THAP5: variants seen among roughly 807,000 people sequenced by gnomAD.
The protein encoded by THAP5 is THAP domain-containing protein 5.
In THAP5, 26 loss-of-function variants were observed where a neutral mutation model predicts 34.0. That is an observed-to-expected ratio of 0.77 (90% CI 0.56 to 1.06). THAP5 has a LOEUF of 1.06. Ranked by LOEUF, THAP5 falls within the 50% of genes least tolerant of loss-of-function variation. The probability of loss-of-function intolerance (pLI) is 0.00; values close to 1 mark genes in which losing one functional copy is unlikely to be tolerated. For synonymous variants in THAP5, 125 were observed against 153.0 expected, an observed-to-expected ratio of 0.82 and a Z score of 1.35; for missense variants, 394 against 452.8, an observed-to-expected ratio of 0.87 and a Z score of 1.18.
the THAP5 span, among the ~76,000 whole-genome samples, chr7:108,548,661 G>A: frequency 3.7e-3 from 570 of 152,302 alleles, 2 homozygotes; most frequent in Admixed American, 5.9e-3. Flanking sequence ...CAAATGAGGA[G>A]CAAAGTCATG....
intron 1 of THAP5, among the ~76,000 whole-genome samples, chr7:108,556,763 G>A (rs1444337788): frequency 6.6e-6 from 1 of 152,190 alleles, no homozygotes; most frequent in African/African-American, 2.4e-5. Flanking sequence ...GAGGACAGTG[G>A]CCCTCTTCCC....
intron 1 of THAP5, chr7:108,569,131 C>T (rs1048170204): frequency 9.2e-7 from 1 of 1,088,190 alleles, no homozygotes; most frequent in African/African-American, 1.6e-5. Context: ...TTTGCGTGCA[C>T]CTTTCCACTT....
rs895690740 is a variant in THAP5 at position 108,565,822 on chromosome 7, T to G, written c.273+8A>C. 3 of 1,536,218 alleles carry G rather than the reference T, an allele frequency of 2.0e-6. No homozygotes were observed. Among genetic ancestry groups the G allele is most frequent in the African/African-American group, 2.8e-5 (2 of 72,568 alleles). On this transcript the variant is annotated splice_region_variant and intron_variant, in intron 2 of 2. Transcript: ENST00000415914. ...GCTCAGCATTACCCCTCTCCCATACTGCAATACCTGATTGTCTTCAGGCAA... is the reference window on the plus strand; with the variant it reads ...GCTCAGCATTACCCCTCTCCCATACGGCAATACCTGATTGTCTTCAGGCAA...
At chr7:108,545,339 G>A in the THAP5 span, among the ~76,000 whole-genome samples, 15 of 152,132 alleles carry the variant, frequency 9.9e-5, no homozygotes, top group South Asian at 4.1e-4. Flanking sequence ...ATTGTAAACC[G>A]CAAATTTTTG....
At chr7:108,542,608 A>G in the THAP5 span, among the ~76,000 whole-genome samples, 3 of 151,918 alleles carry the variant, frequency 2.0e-5, no homozygotes, top group African/African-American at 7.3e-5. Flanking sequence ...AATTACAGGC[A>G]TGTGCCACCA....
chr7:108,551,122 C>G (rs1864350995), downstream of THAP5, among the ~76,000 whole-genome samples: 1 of 152,152 alleles, frequency 6.6e-6, no homozygotes, highest in Non-Finnish European at 1.5e-5. Context: ...AGAACATGAA[C>G]TATAGTTGGG....
the THAP5 span, among the ~76,000 whole-genome samples, chr7:108,542,593 G>A: frequency 1.3e-5 from 2 of 152,122 alleles, no homozygotes; most frequent in Non-Finnish European, 2.9e-5. Context: ...CTCCTGAGTA[G>A]CTGGAATTAC....
At position 108,555,702 on chromosome 7, in the gene THAP5, CTTTTTTT is replaced by C. The variant is rs11344007; in HGVS notation, n.109-850_109-844del. ...GTGAAGGGGAAGCAAGCACCTTTTT[CTTTTTTT>C]TTTTTTTTTTTGAGACAGAATCTCA... On this transcript the variant is annotated intron_variant and non_coding_transcript_variant, in intron 1 of 1. Coordinates refer to the THAP5 transcript ENST00000468884. Among the ~76,000 whole-genome samples, 12 of 128,836 alleles carry C rather than the reference CTTTTTTT, an allele frequency of 9.3e-5. No individual in the cohort carries two copies. The South Asian group carries it at 2.2e-3, about 24-fold the overall frequency. 84.5% of individuals were successfully genotyped at this position (128,836 alleles called of 152,430 possible). A position where few individuals can be genotyped will look rare whatever the true frequency, so the allele number is the denominator to read the frequency against.
downstream of THAP5, among the ~76,000 whole-genome samples, chr7:108,560,742 G>A (rs972013031): frequency 1.3e-5 from 2 of 152,126 alleles, no homozygotes; most frequent in Non-Finnish European, 2.9e-5. Context: ...CAACTGTACT[G>A]CAACTTTTTT....
At position 108,569,584 on chromosome 7, in the gene THAP5, C is replaced by T; in HGVS notation, c.-15G>A. 1 of 1,550,894 alleles carries T rather than the reference C, an allele frequency of 6.4e-7. No homozygotes were observed. The highest frequency in any genetic ancestry group is 8.7e-7 in the Non-Finnish European group (1 of 1,147,002). ...TAGCGGGGCATGACTCGGGTGAGGC[C>T]CCTGGAGACCGGGGCCGGCGACGGA... On this transcript the variant is annotated 5_prime_UTR_variant, in exon 1 of 3. Transcript: ENST00000415914.
At chr7:108,569,241 C>T (rs1350253309) in intron 1 of THAP5, 17 of 1,380,572 alleles carry the variant, frequency 1.2e-5, no homozygotes, top group Non-Finnish European at 1.5e-5. Context: ...CCCGCGCAAA[C>T]TTTACTGTTT....
At chr7:108,547,603 AG>A in the THAP5 span, among the ~76,000 whole-genome samples, 1 of 152,222 alleles carries the variant, frequency 6.6e-6, no homozygotes, top group South Asian at 2.1e-4. Context: ...GAACATTAAA[AG>A]TTATTTTCCC....
Position 108,563,863 on chromosome 7 carries a change from G to T in THAP5, c.*328C>A. 5.7e-6 allele frequency: 1 copy of T among 176,968 alleles called. No individual in the cohort carries two copies. The highest frequency in any genetic ancestry group is 1.2e-5 in the Non-Finnish European group (1 of 84,598). The allele number at this position is 176,968 out of a possible 1,614,324, so 11.0% of individuals were successfully genotyped here. On this transcript the variant is annotated 3_prime_UTR_variant, in exon 3 of 3. Coordinates refer to ENST00000415914, the MANE Select transcript of THAP5 (RefSeq NM_001130475.3). ...TAACTTGCCCAAGTCATATGCCAGT[G>T]GTAGAACCAGGACTGATTCCTGAAC...
At position 108,563,035 on chromosome 7, in the gene THAP5, A is replaced by T. The variant is rs1790391487; in HGVS notation, c.*1156T>A. Reference sequence around the variant, plus strand: ...AAACAGATACAAACTGTAATTTCTAAAATATATTTAAAATTAACCTCATTA... The same window carrying T: ...AAACAGATACAAACTGTAATTTCTATAATATATTTAAAATTAACCTCATTA... On this transcript the variant is annotated 3_prime_UTR_variant, in exon 3 of 3. Transcript: ENST00000415914. 4 of 152,214 alleles carry T rather than the reference A, an allele frequency of 2.6e-5. No individual in the cohort carries two copies. Among genetic ancestry groups the T allele is most frequent in the Non-Finnish European group, 5.9e-5 (4 of 68,040 alleles). 9.4% of individuals were successfully genotyped at this position (152,214 alleles called of 1,614,324 possible). A position where few individuals can be genotyped will look rare whatever the true frequency, so the allele number is the denominator to read the frequency against.
rs1444163982 is a variant in THAP5, at chr7:108,562,346, TC to T, written c.*1844del. The T allele has an allele frequency of 3.3e-5, 5 of 152,136 alleles. No homozygotes were observed. The highest frequency in any genetic ancestry group is 5.9e-5 in the Non-Finnish European group (4 of 68,014). The allele number at this position is 152,136 out of a possible 1,614,324, so 9.4% of individuals were successfully genotyped here. On this transcript the variant is annotated 3_prime_UTR_variant, in exon 3 of 3. Transcript: ENST00000415914. ...ATAACACTGTAATAACTCTATCATC[TC>T]CCCATAATTTATGCAAAAATTTTAA...
rs1226828757 is a variant in THAP5, at chr7:108,564,534, T to G, written c.845A>C (p.Lys282Thr). ...AGATATAAAAGAATTAACTGAGGGT[T>G]TAGAATTTTCAGCAGGTACAAAAAT... is the stretch of plus-strand genomic sequence containing the variant. The part of the protein sequence containing the change: ...IAIFVPAENS[K>T]PSVNSFISAQ... Residue 282 changes from lysine to threonine, a missense_variant, in exon 3 of 3, where the codon AAA (lysine) becomes ACA (threonine). Transcript: ENST00000415914. 1 of 1,613,744 alleles carries G rather than the reference T, an allele frequency of 6.2e-7. No individual in the cohort carries two copies. The highest frequency in any genetic ancestry group is 8.5e-7 in the Non-Finnish European group (1 of 1,179,912).
chr7:108,554,815 G>A (rs1051697677), exon 2 of THAP5: 1 of 152,102 alleles, frequency 6.6e-6, no homozygotes, highest in Non-Finnish European at 1.5e-5. Flanking sequence ...TGTTTCTGGT[G>A]TATGTCCCCC....
rs1391322443 is a variant in THAP5 at position 108,562,378 on chromosome 7, TCCC to T, written c.*1810_*1812del. 3 of 152,172 alleles carry T rather than the reference TCCC, an allele frequency of 2.0e-5. No homozygotes were observed. The highest frequency in any genetic ancestry group is 7.2e-5 in the African/African-American group (3 of 41,446). The allele number at this position is 152,172 out of a possible 1,614,324, so 9.4% of individuals were successfully genotyped here. On this transcript the variant is annotated 3_prime_UTR_variant, in exon 3 of 3. Transcript: ENST00000415914. ...AATTTATGCAAAAATTTTAAGTTTTTCCCCCATCGTCACCTAAGACATTTCTAA... is the reference window on the plus strand; with the variant it reads ...AATTTATGCAAAAATTTTAAGTTTTTCCATCGTCACCTAAGACATTTCTAA...
chr7:108,544,535 A>C, the THAP5 span, among the ~76,000 whole-genome samples: 4 of 151,964 alleles, frequency 2.6e-5, no homozygotes, highest in East Asian at 1.9e-4. Flanking sequence ...CATCTCAAAA[A>C]AAAAACAAAA....
Sources: allele counts gnomAD v4.1 joint callset (sites outside exome capture counted in the v4.1 genomes callset), GRCh38; gene constraint gnomAD v4.1.1; transcripts MANE v1.5; gene names NCBI Gene and HGNC (gene_info 2026-07-23, HGNC 2026-07-21).